Variants in PAPSS2 observed in about 807,000 individuals in gnomAD.
The protein encoded by PAPSS2 is 3'-phosphoadenosine 5'-phosphosulfate synthase 2, also known as bifunctional 3'-phosphoadenosine 5'-phosphosulfate synthase 2.
PAPSS2 carries 61 observed loss-of-function variants against 66.5 expected under a neutral mutation model. The observed-to-expected ratio is 0.92, with a 90% CI of 0.75 to 1.14. The LOEUF is 1.14. Ranked by LOEUF, PAPSS2 falls within the 50% of genes most tolerant of loss-of-function variation. PAPSS2 has a pLI of 0.00. For missense variants in PAPSS2, 708 were observed against 789.6 expected, an observed-to-expected ratio of 0.90 and a Z score of 1.24; for synonymous variants, 289 against 287.5, an observed-to-expected ratio of 1.01 and a Z score of -0.05.
rs1041162097 is a variant in PAPSS2, at chr10:87,693,198, A to G, written c.28-15998A>G. Among the ~76,000 whole-genome samples, 3 of 152,286 alleles carry G rather than the reference A, an allele frequency of 2.0e-5. No individual in the cohort carries two copies. In the East Asian group the frequency reaches 5.8e-4, roughly 29 times the overall value. ...CAAGTTTCCTGAGTTCTTTTAATGG[A>G]ATCATCAGAATATCACACATAAAAT... On this transcript the variant is annotated intron_variant, in intron 1 of 12. Transcript: ENST00000456849.
At chr10:87,708,257 A>G (rs1444755869) in intron 1 of PAPSS2, among the ~76,000 whole-genome samples, 2 of 152,232 alleles carry the variant, frequency 1.3e-5, no homozygotes, top group African/African-American at 4.8e-5. Context: ...ATATTTAATT[A>G]GCTTCCAAAC....
At chr10:87,717,727 A>G (rs1389905903) in intron 7 of PAPSS2, among the ~76,000 whole-genome samples, 1 of 151,956 alleles carries the variant, frequency 6.6e-6, no homozygotes, top group East Asian at 1.9e-4. Context: ...CATGCCTGGC[A>G]GATTTCTAAA....
chr10:87,675,211 CTCTT>C (rs1373186201), intron 1 of PAPSS2, among the ~76,000 whole-genome samples: 3 of 152,286 alleles, frequency 2.0e-5, no homozygotes, highest in East Asian at 1.9e-4. Flanking sequence ...TTAGTATTAC[CTCTT>C]TCTTCTATAA....
At chr10:87,666,218 C>T (rs1852815197) in intron 1 of PAPSS2, among the ~76,000 whole-genome samples, 1 of 152,194 alleles carries the variant, frequency 6.6e-6, no homozygotes, top group Admixed American at 6.5e-5. Context: ...TCTGCCTTGG[C>T]CTCCCAGAGT....
intron 1 of PAPSS2, among the ~76,000 whole-genome samples, chr10:87,668,227 C>G (rs1852836840): frequency 6.6e-6 from 1 of 152,138 alleles, no homozygotes; most frequent in East Asian, 1.9e-4. Flanking sequence ...CTTTTTGGCC[C>G]TCTGCTGGGG....
At chr10:87,719,908 C>G (rs1365231495) in intron 7 of PAPSS2, among the ~76,000 whole-genome samples, 2 of 152,042 alleles carry the variant, frequency 1.3e-5, no homozygotes, top group Admixed American at 6.6e-5. Context: ...TTTTTTGAGA[C>G]AGAGTCTCGC....
At chr10:87,671,606 T>C (rs1200096979) in intron 1 of PAPSS2, among the ~76,000 whole-genome samples, 1 of 152,176 alleles carries the variant, frequency 6.6e-6, no homozygotes, top group Non-Finnish European at 1.5e-5. Context: ...AGTCGAGCAT[T>C]CATGAGTTAC....
intron 1 of PAPSS2, among the ~76,000 whole-genome samples, chr10:87,699,566 C>G (rs970009076): frequency 6.6e-6 from 1 of 152,128 alleles, no homozygotes; most frequent in Non-Finnish European, 1.5e-5. Context: ...AGAATCAAAC[C>G]ATTGTCTGGG....
At chr10:87,678,574 C>G (rs77513026) in intron 1 of PAPSS2, among the ~76,000 whole-genome samples, 5,178 of 146,286 alleles carry the variant, frequency 0.035, 310 homozygotes, top group African/African-American at 0.12. Context: ...CAGACTATAT[C>G]AGAAACCCAG....
Position 87,714,827 on chromosome 10 carries a change from CTG to C in PAPSS2, c.607_608del (p.Val203ProfsTer32). The C allele has an allele frequency of 1.2e-6, 2 of 1,612,460 alleles. No individual in the cohort carries two copies. Among genetic ancestry groups the C allele is most frequent in the South Asian group, 2.2e-5 (2 of 91,046 alleles). On this transcript the variant is annotated frameshift_variant, in exon 5 of 13. Coordinates refer to ENST00000456849, the MANE Select transcript of PAPSS2 (RefSeq NM_001015880.2). LOFTEE classifies it high-confidence loss of function. ...LKTNLSTVSD[C>X]VHQVVELLQE... ...AAACCAATTTGTCCACAGTGAGTGA[CTG>C]TGTCCACCAGGTAGTGGAACTTCTG...
intron 1 of PAPSS2, among the ~76,000 whole-genome samples, chr10:87,705,946 C>T (rs1853378074): frequency 6.6e-6 from 1 of 150,858 alleles, no homozygotes; most frequent in Admixed American, 6.6e-5. Flanking sequence ...ATTGGCCAGG[C>T]TACTCTTGAA....
At chr10:87,671,813 A>C (rs1053977055) in intron 1 of PAPSS2, among the ~76,000 whole-genome samples, 5 of 152,234 alleles carry the variant, frequency 3.3e-5, no homozygotes, top group Non-Finnish European at 4.4e-5. Flanking sequence ...TACAGCCTAC[A>C]GTGGAACACC....
At chr10:87,745,454 T>G (rs1343881835) in intron 12 of PAPSS2, among the ~76,000 whole-genome samples, 36 of 152,192 alleles carry the variant, frequency 2.4e-4, no homozygotes, top group Admixed American at 2.4e-3. Flanking sequence ...TCTTTCAACA[T>G]GCATTCTTGA....
chr10:87,717,533 A>G (rs747392353), intron 7 of PAPSS2, among the ~76,000 whole-genome samples: 1 of 152,104 alleles, frequency 6.6e-6, no homozygotes, highest in Non-Finnish European at 1.5e-5. Flanking sequence ...GAGAATTTAT[A>G]GCTTTTGATA....
intron 1 of PAPSS2, among the ~76,000 whole-genome samples, chr10:87,673,149 G>A (rs1050945381): frequency 7.2e-5 from 11 of 152,206 alleles, no homozygotes; most frequent in African/African-American, 2.2e-4. Flanking sequence ...AATTCAGAGA[G>A]CTGAGTACTA....
intron 1 of PAPSS2, among the ~76,000 whole-genome samples, chr10:87,688,829 A>G (rs182351064): frequency 6.6e-6 from 1 of 152,282 alleles, no homozygotes; most frequent in East Asian, 1.9e-4. Context: ...AAAACCGACC[A>G]AAATAACTCT....
chr10:87,743,352 T>C (rs746218619), intron 10 of PAPSS2, 21 bp from the exon 11 acceptor site: 15 of 1,612,514 alleles, frequency 9.3e-6, no homozygotes, highest in Non-Finnish European at 1.1e-5. Context: ...TGACCTTCCT[T>C]CTTCTGCTTT....
chr10:87,659,976 G>T lies in PAPSS2; in HGVS notation c.-6G>T. On this transcript the variant is annotated 5_prime_UTR_variant, in exon 1 of 13. Coordinates refer to ENST00000456849, the MANE Select transcript of PAPSS2 (RefSeq NM_001015880.2). ...CGGGACCCGGGCTCCGCCGCAGCCA[G>T]CCAGCATGTCGGGGATCAAGAAGCA... is the stretch of plus-strand genomic sequence containing the variant. The T allele has an allele frequency of 6.2e-7, 1 of 1,613,192 alleles. No homozygotes were observed. Among genetic ancestry groups the T allele is most frequent in the Non-Finnish European group, 8.5e-7 (1 of 1,179,722 alleles).
chr10:87,660,598 C>T (rs887346917), intron 1 of PAPSS2, among the ~76,000 whole-genome samples: 1 of 151,864 alleles, frequency 6.6e-6, no homozygotes, highest in African/African-American at 2.4e-5. Context: ...TGAGGGTGCC[C>T]CTCGGTTTGG....
Sources: gnomAD v4.1 joint callset for allele counts (sites outside exome capture counted in the v4.1 genomes callset) on GRCh38, gnomAD v4.1.1 for gene constraint, MANE v1.5 for transcripts, NCBI Gene and HGNC (gene_info 2026-07-23, HGNC 2026-07-21) for gene names.